The following ZNF608 variants were observed in gnomAD, a reference collection of about 807,000 sequenced individuals.
ZNF608 encodes zinc finger protein 608.
A neutral mutation model predicts 109.0 loss-of-function variants in ZNF608; 12 were observed. The ratio of observed to expected loss-of-function variants is 0.11; its 90% CI spans 0.07 to 0.18. The LOEUF (loss-of-function observed/expected upper bound fraction) is 0.18. Ranked by LOEUF, ZNF608 falls within the 10% of genes least tolerant of loss-of-function variation. The probability of loss-of-function intolerance (pLI) is 1.00; values close to 1 mark genes in which losing one functional copy is unlikely to be tolerated. For missense variants in ZNF608, 1,707 were observed against 1,879.3 expected, an observed-to-expected ratio of 0.91 and a Z score of 1.70; for synonymous variants, 732 against 717.4, an observed-to-expected ratio of 1.02 and a Z score of -0.33.
chr5:124,699,818 C>T lies in ZNF608; in HGVS notation c.1162+1196G>A, dbSNP rs145682611. ...CTTTCATTTCCCAGTTTGTCACTAT[C>T]CTTAACTATTTTTTCTCAACTACTT... On this transcript the variant is annotated intron_variant, in intron 3 of 9. Coordinates refer to ENST00000513986, the MANE Select transcript of ZNF608 (RefSeq NM_020747.3). Among the ~76,000 whole-genome samples, 694 of 152,226 alleles carry T rather than the reference C, an allele frequency of 4.6e-3. 3 individuals carry two copies. The highest frequency in any genetic ancestry group is 0.01 in the Middle Eastern group (3 of 294).
upstream of ZNF608, among the ~76,000 whole-genome samples, chr5:124,748,185 G>C (rs1749706904): frequency 6.6e-6 from 1 of 152,136 alleles, no homozygotes; most frequent in Non-Finnish European, 1.5e-5. Flanking sequence ...CGCTTTGGGA[G>C]GGGGGTCTGC....
intron 3 of ZNF608, among the ~76,000 whole-genome samples, chr5:124,693,554 G>A (rs895845089): frequency 2.0e-5 from 3 of 152,160 alleles, no homozygotes; most frequent in South Asian, 4.1e-4. Flanking sequence ...TACACAGTGA[G>A]TTTTAAACCT....
intron 3 of ZNF608, among the ~76,000 whole-genome samples, chr5:124,669,658 AACACACACACACACACAC>A (rs56258363): frequency 6.7e-6 from 1 of 148,156 alleles, no homozygotes; most frequent in African/African-American, 2.5e-5. Flanking sequence ...AACACACACA[AACACACACACACACACAC>A]ACACACACAC....
rs755205166 is a variant in ZNF608 at position 124,648,990 on chromosome 5, G to C, written c.1394C>G (p.Ala465Gly). The change falls in exon 5 of 10, where the codon GCC becomes GGC. Residue 465 changes from alanine to glycine, a missense_variant. Physicochemically the swap from Ala to Gly is moderately conservative, Grantham distance 60. This residue lies in a region of ZNF608 where 166 missense variants were observed against 204.2 expected (regional missense o/e 0.81). Coordinates refer to ENST00000513986, the MANE Select transcript of ZNF608 (RefSeq NM_020747.3). Reference sequence around the variant, plus strand: ...GCTGCCCCGCCTCCCTTTCCCATTGGCCCCCCCTCTGTTCTTATTCTGCAG... The same window carrying C: ...GCTGCCCCGCCTCCCTTTCCCATTGCCCCCCCCTCTGTTCTTATTCTGCAG... Reference protein sequence around the residue: ...RGLQNKNRGGANGKGRRGSLN... With the variant: ...RGLQNKNRGGGNGKGRRGSLN... The C allele has an allele frequency of 1.4e-5, 23 of 1,613,964 alleles. No individual in the cohort carries two copies. In the East Asian group the frequency reaches 4.5e-4, roughly 31 times the overall value.
chr5:124,677,936 A>G (rs1327092082), intron 3 of ZNF608, among the ~76,000 whole-genome samples: 1 of 152,194 alleles, frequency 6.6e-6, no homozygotes, highest in Non-Finnish European at 1.5e-5. Context: ...CTCTCTGCAG[A>G]TGAACCCAAA....
chr5:124,744,478 C>T lies in ZNF608; in HGVS notation c.512G>A (p.Ser171Asn). Reference protein sequence around the residue: ...GSGNPNSNSTSTSTSAATAGA... With the variant: ...GSGNPNSNSTNTSTSAATAGA... ...CGCGGTGGCGGCAGAGGTGCTGGTG[C>T]TGGTACTATTGCTGTTTGGGTTGCC... Residue 171 changes from serine to asparagine, a missense_variant, in exon 2 of 10, where the codon AGC (serine) becomes AAC (asparagine). By Grantham distance (46) the Ser-to-Asn change is conservative. Around this residue, in one of 7 missense-constraint regions of ZNF608, gnomAD observed 407 missense variants for 398.7 expected, o/e 1.02. Coordinates refer to ENST00000513986, the MANE Select transcript of ZNF608 (RefSeq NM_020747.3). This position sits in a 1 kb window ranked among gnomAD's most constrained non-coding sequence, Gnocchi z 4.5. 6.2e-7 allele frequency: 1 copy of T among 1,614,218 alleles called. No individual in the cohort carries two copies. The highest frequency in any genetic ancestry group is 8.5e-7 in the Non-Finnish European group (1 of 1,180,044).
At chr5:124,653,379 A>G (rs1750873754) in intron 3 of ZNF608, among the ~76,000 whole-genome samples, 1 of 152,210 alleles carries the variant, frequency 6.6e-6, no homozygotes, top group Non-Finnish European at 1.5e-5. Flanking sequence ...GTTTCCAGGA[A>G]GATGTCAAGC....
At chr5:124,651,849 C>G (rs574501539) in intron 3 of ZNF608, among the ~76,000 whole-genome samples, 5 of 152,220 alleles carry the variant, frequency 3.3e-5, no homozygotes, top group Admixed American at 6.5e-5. Flanking sequence ...AGGGACGCAT[C>G]CCCCACGGCG....
intron 2 of ZNF608, among the ~76,000 whole-genome samples, chr5:124,731,821 A>G (rs1278788898): frequency 1.3e-5 from 2 of 152,248 alleles, no homozygotes; most frequent in East Asian, 1.9e-4. Context: ...GCAAGACTCC[A>G]TCTCAAAAAA....
chr5:124,714,253 T>A (rs1040278687), intron 2 of ZNF608, among the ~76,000 whole-genome samples: 4 of 152,226 alleles, frequency 2.6e-5, no homozygotes, highest in African/African-American at 9.6e-5. Context: ...GGATATTTTA[T>A]CTTAATTGCC....
chr5:124,745,060 C>A lies in ZNF608; in HGVS notation c.-71G>T. ...TGGAGATGAGGGGACATTCGTTTATCTCCGCTGGGCTTTCTCTCAAAGAAA... is the reference window on the plus strand; with the variant it reads ...TGGAGATGAGGGGACATTCGTTTATATCCGCTGGGCTTTCTCTCAAAGAAA... On this transcript the variant is annotated 5_prime_UTR_variant, in exon 2 of 10. Coordinates refer to ENST00000513986, the MANE Select transcript of ZNF608 (RefSeq NM_020747.3). 1 of 1,513,182 alleles carries A rather than the reference C, an allele frequency of 6.6e-7. No individual in the cohort carries two copies. Among genetic ancestry groups the A allele is most frequent in the Non-Finnish European group, 8.8e-7 (1 of 1,140,124 alleles). 93.7% of individuals were successfully genotyped at this position (1,513,182 alleles called of 1,614,324 possible).
At chr5:124,641,498 T>G in intron 7 of ZNF608, 93 bp from the exon 8 acceptor site, 1 of 1,300,604 alleles carries the variant, frequency 7.7e-7, no homozygotes, top group Non-Finnish European at 1.0e-6. Context: ...CAATATTGTG[T>G]TAATGATTAA....
chr5:124,659,823 T>C (rs1751173586), intron 3 of ZNF608, among the ~76,000 whole-genome samples: 1 of 152,224 alleles, frequency 6.6e-6, no homozygotes, highest in African/African-American at 2.4e-5. Context: ...ACAATTATGC[T>C]CCACATCAAA....
chr5:124,644,299 G>A lies in ZNF608; in HGVS notation c.4068C>T (p.Asp1356=). Reference sequence around the variant, plus strand: ...CAGCCCGGTATGCAGGATGGCTGGGGTCGTACATCTGTGGGTAAGGATAAG... The same window carrying A: ...CAGCCCGGTATGCAGGATGGCTGGGATCGTACATCTGTGGGTAAGGATAAG... ...LHAYPYPQMY[D]PSHPAYRAVS... The change falls in exon 6 of 10, where the codon GAC becomes GAT. Residue 1356 remains aspartate, a synonymous_variant. Coordinates refer to ENST00000513986, the MANE Select transcript of ZNF608 (RefSeq NM_020747.3). 6.2e-7 allele frequency: 1 copy of A among 1,613,986 alleles called. No homozygotes were observed. Among genetic ancestry groups the A allele is most frequent in the Admixed American group, 1.7e-5 (1 of 60,020 alleles).
At chr5:124,698,595 C>T (rs146613434) in intron 3 of ZNF608, among the ~76,000 whole-genome samples, 223 of 152,244 alleles carry the variant, frequency 1.5e-3, no homozygotes, top group African/African-American at 5.2e-3. Context: ...GAACAGAGCA[C>T]GTATAAAGGC....
intron 3 of ZNF608, among the ~76,000 whole-genome samples, chr5:124,650,956 T>A (rs962372515): frequency 3.9e-5 from 6 of 152,234 alleles, no homozygotes; most frequent in Non-Finnish European, 7.3e-5. Flanking sequence ...AATATTTCAA[T>A]GGTTGGGACT....
chr5:124,665,128 A>G (rs1216807346), intron 3 of ZNF608, among the ~76,000 whole-genome samples: 1 of 151,284 alleles, frequency 6.6e-6, no homozygotes, highest in East Asian at 1.9e-4. Flanking sequence ...GTGAGATGAG[A>G]TTGTGCCATT....
At chr5:124,725,097 C>A (rs1208983984) in intron 2 of ZNF608, among the ~76,000 whole-genome samples, 2 of 152,068 alleles carry the variant, frequency 1.3e-5, no homozygotes, top group African/African-American at 2.4e-5. Context: ...TCTCCTCGAC[C>A]CCCGGGGGGA....
chr5:124,669,917 C>T (rs968476036), intron 3 of ZNF608, among the ~76,000 whole-genome samples: 4 of 152,104 alleles, frequency 2.6e-5, no homozygotes, highest in Non-Finnish European at 5.9e-5. Context: ...TGAGTTTTCC[C>T]AGGAAAGAAA....
Sources: allele counts gnomAD v4.1 joint callset (sites outside exome capture counted in the v4.1 genomes callset), GRCh38; gene constraint gnomAD v4.1.1; regional missense constraint gnomAD v4.1.1; non-coding constraint Gnocchi (gnomAD v3.1); transcripts MANE v1.5; gene names NCBI Gene and HGNC (gene_info 2026-07-23, HGNC 2026-07-21).